ASAP2: variants seen among roughly 807,000 people sequenced by gnomAD.
ASAP2 encodes the protein arf-GAP with SH3 domain, ANK repeat and PH domain-containing protein 2.
Under a neutral mutation model 131.4 loss-of-function variants are expected in ASAP2, and 45 were observed. The ratio of observed to expected loss-of-function variants is 0.34; its 90% confidence interval spans 0.27 to 0.44. The LOEUF (loss-of-function observed/expected upper bound fraction) is 0.44, where lower values mean the gene tolerates loss of function less well. Among genes scored for constraint, ASAP2 ranks in the 20% least tolerant of loss-of-function variants. The probability of loss-of-function intolerance (pLI) is 1.00; values close to 1 mark genes in which losing one functional copy is unlikely to be tolerated. For missense variants in ASAP2, 1,011 were observed against 1,297.0 expected, an observed-to-expected ratio of 0.78 and a Z score of 3.39; for synonymous variants, 510 against 503.0, an observed-to-expected ratio of 1.01 and a Z score of -0.19.
At chr2:9,371,309 C>T (rs1452130625) in intron 16 of ASAP2, among the ~76,000 whole-genome samples, 4 of 152,164 alleles carry the variant, frequency 2.6e-5, no homozygotes, top group African/African-American at 9.7e-5. Context: ...TATTTTAAAA[C>T]ATTTCATCCC....
chr2:9,234,145 G>C (rs985325429), intron 1 of ASAP2, among the ~76,000 whole-genome samples: 4 of 151,402 alleles, frequency 2.6e-5, no homozygotes, highest in African/African-American at 9.7e-5. Context: ...AGAGGGGAGT[G>C]GTTCACAGAG....
chr2:9,384,064 A>G (rs1004035813), intron 20 of ASAP2, among the ~76,000 whole-genome samples: 12 of 152,208 alleles, frequency 7.9e-5, no homozygotes, highest in Non-Finnish European at 1.6e-4. Context: ...CTTAATGTAA[A>G]TGATGAGTTA....
intron 1 of ASAP2, among the ~76,000 whole-genome samples, chr2:9,225,083 G>A (rs1167700437): frequency 6.6e-6 from 1 of 152,206 alleles, no homozygotes. Context: ...GCCTGTTTTT[G>A]TATGCAAAAA....
At chr2:9,250,622 A>G (rs1664639927) in intron 1 of ASAP2, among the ~76,000 whole-genome samples, 2 of 152,210 alleles carry the variant, frequency 1.3e-5, no homozygotes, top group Non-Finnish European at 2.9e-5. Context: ...CGAGGCCACA[A>G]GTAACTATCG....
intron 1 of ASAP2, among the ~76,000 whole-genome samples, chr2:9,260,092 G>C (rs1665475200): frequency 6.6e-6 from 1 of 152,218 alleles, no homozygotes; most frequent in African/African-American, 2.4e-5. Context: ...ATGGAGGTGG[G>C]AGGGGAAAGG....
chr2:9,331,388 CTTA>C (rs1024945476), intron 7 of ASAP2, among the ~76,000 whole-genome samples: 2 of 152,174 alleles, frequency 1.3e-5, no homozygotes, highest in African/African-American at 4.8e-5. Flanking sequence ...GAAAACTTGT[CTTA>C]TTAGTCTTTG....
intron 1 of ASAP2, among the ~76,000 whole-genome samples, chr2:9,236,406 A>AT (rs1465294396): frequency 2.6e-5 from 4 of 151,772 alleles, no homozygotes; most frequent in African/African-American, 9.7e-5. Flanking sequence ...TGCCTGTATT[A>AT]TTTTTTTCTG....
chr2:9,382,278 C>G (rs578183138), intron 20 of ASAP2, among the ~76,000 whole-genome samples: 2 of 152,336 alleles, frequency 1.3e-5, no homozygotes, highest in African/African-American at 4.8e-5. Context: ...GCCACCACAC[C>G]TGACCTGTCT....
intron 1 of ASAP2, among the ~76,000 whole-genome samples, chr2:9,230,676 CA>C (rs1325472265): frequency 1.3e-5 from 2 of 152,228 alleles, no homozygotes; most frequent in African/African-American, 4.8e-5. Flanking sequence ...CCATGTTTTC[CA>C]TCACAGCTGG....
intron 9 of ASAP2, 135 bp from the exon 10 acceptor site, chr2:9,344,397 T>C (rs1671808609): frequency 5.9e-6 from 4 of 675,694 alleles, no homozygotes; most frequent in Admixed American, 2.9e-5. Flanking sequence ...TTTGCTGTGT[T>C]GAGAAAGGGA....
rs1044547548 is a variant in ASAP2, at chr2:9,389,440, CT to C, written c.2383+896del. Among the ~76,000 whole-genome samples, 2 of 152,220 alleles carry C rather than the reference CT, an allele frequency of 1.3e-5. No homozygotes were observed. Among genetic ancestry groups the C allele is most frequent in the Admixed American group, 6.5e-5 (1 of 15,286 alleles). Reference sequence around the variant, plus strand: ...GTCCCCAAATACATCCCAAACTGTCCTTATGTGGTAGCTGCTAGCTGGGCAG... The same window carrying C: ...GTCCCCAAATACATCCCAAACTGTCCTATGTGGTAGCTGCTAGCTGGGCAG... On this transcript the variant is annotated intron_variant, in intron 22 of 27. Transcript: ENST00000281419. The surrounding 1 kb of genome is among the most constrained non-coding windows in gnomAD (Gnocchi z 4.7).
In ASAP2 at chr2:9,403,343, A is replaced by G; in HGVS notation, c.*16A>G. The stretch of plus-strand genomic sequence containing the variant: ...CGCTGACTGAATTGCTACTGAACAA[A>G]AGCATTAACAGTTATGTTCCTGTTT... On this transcript the variant is annotated 3_prime_UTR_variant, in exon 28 of 28. Coordinates refer to ENST00000281419, the MANE Select transcript of ASAP2 (RefSeq NM_003887.3). 1 of 1,611,926 alleles carries G rather than the reference A, an allele frequency of 6.2e-7. No individual in the cohort carries two copies. Among genetic ancestry groups the G allele is most frequent in the Non-Finnish European group, 8.5e-7 (1 of 1,178,174 alleles).
At chr2:9,304,585 T>C (rs1286410776) in intron 3 of ASAP2, among the ~76,000 whole-genome samples, 2 of 150,300 alleles carry the variant, frequency 1.3e-5, no homozygotes, top group Admixed American at 6.6e-5. Flanking sequence ...GGAGAGGCTG[T>C]AGTCTTGGGA....
intron 1 of ASAP2, among the ~76,000 whole-genome samples, chr2:9,225,810 C>T (rs1445652007): frequency 2.0e-5 from 3 of 152,120 alleles, no homozygotes; most frequent in Non-Finnish European, 4.4e-5. Flanking sequence ...AAGGAAGGGA[C>T]GTATTCCAGG....
At chr2:9,212,516 C>T (rs1232465017) in intron 1 of ASAP2, among the ~76,000 whole-genome samples, 1 of 152,038 alleles carries the variant, frequency 6.6e-6, no homozygotes, top group Non-Finnish European at 1.5e-5. Context: ...GAGGTGGTGG[C>T]CAGCTCGGCG....
intron 1 of ASAP2, among the ~76,000 whole-genome samples, chr2:9,228,430 C>T (rs924197562): frequency 6.6e-6 from 1 of 152,124 alleles, no homozygotes; most frequent in Non-Finnish European, 1.5e-5. Flanking sequence ...TAATCACATT[C>T]CCTGTTTTTT....
At chr2:9,358,028 T>C (rs895025067) in intron 14 of ASAP2, among the ~76,000 whole-genome samples, 14 of 152,316 alleles carry the variant, frequency 9.2e-5, no homozygotes, top group African/African-American at 3.1e-4. Context: ...TGGTAGGTCA[T>C]GTTAGTGAGT....
chr2:9,297,167 C>T, intron 2 of ASAP2, 133 bp from the exon 3 acceptor site: 1 of 1,121,826 alleles, frequency 8.9e-7, no homozygotes, highest in Non-Finnish European at 1.2e-6. Context: ...TATTTCTGTT[C>T]CTGGTGCAGC....
At chr2:9,374,398 G>A (rs1674220479) in intron 16 of ASAP2, among the ~76,000 whole-genome samples, 1 of 152,362 alleles carries the variant, frequency 6.6e-6, no homozygotes, top group Admixed American at 6.5e-5. Context: ...CTTCCTGGGG[G>A]AGGAGGCGCA....
Sources: gnomAD v4.1 joint callset for allele counts (sites outside exome capture counted in the v4.1 genomes callset) on GRCh38, gnomAD v4.1.1 for gene constraint, Gnocchi (gnomAD v3.1) non-coding constraint, MANE v1.5 for transcripts, NCBI Gene and HGNC (gene_info 2026-07-23, HGNC 2026-07-21) for gene names.